Variants in GSE1 observed in about 807,000 individuals in gnomAD.
GSE1 encodes Gse1 coiled-coil protein, also known as genetic suppressor element 1.
A neutral mutation model predicts 112.6 loss-of-function variants in GSE1; 32 were observed. The observed-to-expected ratio is 0.28, with a 90% CI of 0.21 to 0.38. GSE1 has a LOEUF of 0.38. GSE1 is among the 10% of genes least tolerant of loss of function. The probability of loss-of-function intolerance (pLI) is 1.00; values close to 1 mark genes in which losing one functional copy is unlikely to be tolerated. For missense variants in GSE1, 2,348 were observed against 1,699.2 expected, an observed-to-expected ratio of 1.38 and a Z score of -6.71; for synonymous variants, 1,115 against 735.6, an observed-to-expected ratio of 1.52 and a Z score of -8.35.
At chr16:85,357,741 C>A (rs920096685) in intron 2 of GSE1, 2 of 722,440 alleles carry the variant, frequency 2.8e-6, no homozygotes, top group South Asian at 1.6e-5. Flanking sequence ...GATACAGTTC[C>A]GCCTTGTGTC....
At chr16:85,563,133 G>C (rs574312351) in intron 1 of GSE1, among the ~76,000 whole-genome samples, 2 of 152,040 alleles carry the variant, frequency 1.3e-5, no homozygotes, top group African/African-American at 4.8e-5. Context: ...GAGGGAGTTC[G>C]GGGGTGAGGG....
chr16:85,470,819 T>C (rs1443837500), intron 2 of GSE1, among the ~76,000 whole-genome samples: 1 of 152,116 alleles, frequency 6.6e-6, no homozygotes, highest in African/African-American at 2.4e-5. Flanking sequence ...TGAGCGGCGA[T>C]TAAAACAGTG....
intron 1 of GSE1, among the ~76,000 whole-genome samples, chr16:85,350,800 G>A (rs768082850): frequency 3.3e-5 from 5 of 152,082 alleles, no homozygotes; most frequent in African/African-American, 9.7e-5. Flanking sequence ...TCTTCGAGAC[G>A]GACTCTTGCT....
chr16:85,324,829 T>C (rs373559545), intron 1 of GSE1, among the ~76,000 whole-genome samples: 1 of 152,032 alleles, frequency 6.6e-6, no homozygotes, highest in South Asian at 2.1e-4. Flanking sequence ...TAAATCTGAA[T>C]GGGTATGGAG....
intron 14 of GSE1, 62 bp from the exon 15 acceptor site, chr16:85,670,933 C>T: frequency 9.8e-7 from 1 of 1,023,322 alleles, no homozygotes; most frequent in Non-Finnish European, 1.5e-6. Context: ...AAGAGGAGAG[C>T]ACAAAGCGGG....
intron 1 of GSE1, among the ~76,000 whole-genome samples, chr16:85,306,991 C>T (rs974189474): frequency 2.0e-5 from 3 of 152,364 alleles, no homozygotes; most frequent in Non-Finnish European, 4.4e-5. Flanking sequence ...ACAAGCCACC[C>T]AGGTGTGTGG....
intron 2 of GSE1, among the ~76,000 whole-genome samples, chr16:85,444,946 G>A (rs766271296): frequency 8.5e-5 from 13 of 152,166 alleles, no homozygotes; most frequent in East Asian, 1.9e-4. Context: ...CACTGCCCAC[G>A]TTGTCACAGG....
Position 85,654,289 on chromosome 16 carries a change from C to A in GSE1, c.438C>A (p.Ser146=). The change falls in exon 4 of 16, where the codon TCC becomes TCA. Residue 146 remains serine (S), a synonymous_variant. Transcript: ENST00000253458. ...CTCTCCTCCCGCAGGATGCCGGCTC[C>A]AGGAGCAGCAGTGGAGGTCGGGAAC... The part of the protein sequence containing the change: ...WRSESRQDAG[S]RSSSGGRERL... 6.2e-7 allele frequency: 1 copy of A among 1,600,904 alleles called. No homozygotes were observed. The highest frequency in any genetic ancestry group is 8.5e-7 in the Non-Finnish European group (1 of 1,174,876).
chr16:85,190,769 C>G (rs1396089606), intron 1 of GSE1, among the ~76,000 whole-genome samples: 1 of 152,208 alleles, frequency 6.6e-6, no homozygotes, highest in South Asian at 2.1e-4. Flanking sequence ...ATTTGAGGGG[C>G]CATGGGAGGT....
chr16:85,393,460 G>A (rs1211670685), intron 2 of GSE1, among the ~76,000 whole-genome samples: 4 of 152,178 alleles, frequency 2.6e-5, no homozygotes, highest in South Asian at 2.1e-4. Flanking sequence ...TTACAGCTCC[G>A]TCTCACACAG....
At chr16:85,494,191 A>C (rs958656124) in intron 2 of GSE1, among the ~76,000 whole-genome samples, 4 of 152,250 alleles carry the variant, frequency 2.6e-5, no homozygotes, top group Non-Finnish European at 5.9e-5. Context: ...ACAAGTCTGA[A>C]GTCAAGGCAT....
chr16:85,214,672 C>T (rs2075280130), intron 1 of GSE1, among the ~76,000 whole-genome samples: 1 of 152,194 alleles, frequency 6.6e-6, no homozygotes, highest in Non-Finnish European at 1.5e-5. Flanking sequence ...CTGAGGCCTC[C>T]CTCTCTGGCC....
chr16:85,260,104 C>T (rs1015551124), intron 1 of GSE1, among the ~76,000 whole-genome samples: 1 of 152,068 alleles, frequency 6.6e-6, no homozygotes, highest in African/African-American at 2.4e-5. Context: ...GGGGGCCCTG[C>T]GGGGCATGGG....
intron 8 of GSE1, among the ~76,000 whole-genome samples, chr16:85,657,866 C>T (rs1309600970): frequency 2.6e-5 from 4 of 152,206 alleles, no homozygotes; most frequent in African/African-American, 9.6e-5. Context: ...CAGGGCACTG[C>T]ACACGCAGCC....
intron 2 of GSE1, among the ~76,000 whole-genome samples, chr16:85,444,786 G>T (rs2049467179): frequency 6.6e-6 from 1 of 152,178 alleles, no homozygotes; most frequent in South Asian, 2.1e-4. Context: ...CCATCGCTGT[G>T]CTGGGCCCCT....
chr16:85,606,704 C>T (rs1303798830), upstream of GSE1, among the ~76,000 whole-genome samples: 4 of 152,316 alleles, frequency 2.6e-5, no homozygotes, highest in South Asian at 2.1e-4. Context: ...CCCAAGTGGA[C>T]GCAAGCTCTT....
intron 1 of GSE1, among the ~76,000 whole-genome samples, chr16:85,277,694 G>T (rs1909507801): frequency 6.6e-6 from 1 of 152,206 alleles, no homozygotes; most frequent in African/African-American, 2.4e-5. Context: ...GTCTGCTGGG[G>T]ACTCCTCACC....
chr16:85,339,743 C>A (rs1406785207), intron 1 of GSE1, among the ~76,000 whole-genome samples: 2 of 152,124 alleles, frequency 1.3e-5, no homozygotes, highest in Admixed American at 6.5e-5. Context: ...GTCTTAGACT[C>A]TGGAATTGTG....
chr16:85,621,732 T>TG (rs1342245955), intron 1 of GSE1, among the ~76,000 whole-genome samples: 1 of 152,176 alleles, frequency 6.6e-6, no homozygotes, highest in Non-Finnish European at 1.5e-5. Context: ...GAGTGGACCC[T>TG]GGGGTTTTGT....
Sources: gnomAD v4.1 joint callset for allele counts (sites outside exome capture counted in the v4.1 genomes callset) on GRCh38, gnomAD v4.1.1 for gene constraint, MANE v1.5 for transcripts, NCBI Gene and HGNC (gene_info 2026-07-23, HGNC 2026-07-21) for gene names.